Variants in SLAIN2 observed in about 807,000 individuals in gnomAD.
SLAIN2 encodes SLAIN motif-containing protein 2.
A neutral mutation model predicts 56.6 loss-of-function variants in SLAIN2; 31 were observed. The ratio of observed to expected loss-of-function variants is 0.55; its 90% CI spans 0.41 to 0.74. SLAIN2 has a LOEUF of 0.74. SLAIN2 is among the 30% of genes least tolerant of loss of function. The probability of loss-of-function intolerance (pLI) is 0.00; values close to 1 mark genes in which losing one functional copy is unlikely to be tolerated. For synonymous variants in SLAIN2, 317 were observed against 284.9 expected (o/e 1.11, Z -1.13); for missense variants, 777 against 754.2 (o/e 1.03, Z -0.35).
chr4:48,404,846 C>T (rs1178385530), intron 6 of SLAIN2, among the ~76,000 whole-genome samples: 1 of 152,082 alleles, frequency 6.6e-6, no homozygotes, highest in African/African-American at 2.4e-5. Context: ...TTTATTGTTC[C>T]CTGGCCCACA....
chr4:48,342,144 C>A lies in SLAIN2; in HGVS notation c.389+16C>A. On this transcript the variant is annotated intron_variant, in intron 1 of 7. Coordinates refer to ENST00000264313, the MANE Select transcript of SLAIN2 (RefSeq NM_020846.2). ...AGGAGAGCTGGTGAGCGCGAGGCGC[C>A]GGGCAGGAGCTGGGCGGGGACGGGC... 7.5e-7 allele frequency: 1 copy of A among 1,335,476 alleles called. No individual in the cohort carries two copies. The highest frequency in any genetic ancestry group is 1.5e-5 in the African/African-American group (1 of 65,028). The allele number at this position is 1,335,476 out of a possible 1,614,324, so 82.7% of individuals were successfully genotyped here. A position where few individuals can be genotyped will look rare whatever the true frequency, so the allele number is the denominator to read the frequency against.
At chr4:48,390,649 C>T (rs1211780996) in intron 6 of SLAIN2, among the ~76,000 whole-genome samples, 1 of 151,878 alleles carries the variant, frequency 6.6e-6, no homozygotes, top group Non-Finnish European at 1.5e-5. Context: ...CATTATAATA[C>T]AAAAATAGAC....
chr4:48,385,738 A>T (rs1467246349), intron 6 of SLAIN2, among the ~76,000 whole-genome samples: 1 of 150,506 alleles, frequency 6.6e-6, no homozygotes, highest in African/African-American at 2.5e-5. Context: ...GGCTCAAGTG[A>T]TCCTCCTGCG....
intron 2 of SLAIN2, among the ~76,000 whole-genome samples, chr4:48,373,920 C>T (rs111322132): frequency 0.014 from 2,087 of 152,164 alleles, 47 homozygotes; most frequent in African/African-American, 0.048. Flanking sequence ...TGCCTGTAAT[C>T]CCAGCTACTC....
intron 6 of SLAIN2, among the ~76,000 whole-genome samples, chr4:48,386,397 A>G (rs1483947227): frequency 6.6e-6 from 1 of 152,228 alleles, no homozygotes; most frequent in African/African-American, 2.4e-5. Flanking sequence ...CATCTTGAGC[A>G]CTGGATCTCA....
chr4:48,344,693 CT>C (rs895231523), intron 1 of SLAIN2, among the ~76,000 whole-genome samples: 97 of 145,556 alleles, frequency 6.7e-4, no homozygotes, highest in Admixed American at 6.2e-4. Flanking sequence ...TCATACTCTT[CT>C]TTTTTTTTTT....
chr4:48,373,405 C>T (rs900407773), intron 2 of SLAIN2, among the ~76,000 whole-genome samples: 1 of 152,134 alleles, frequency 6.6e-6, no homozygotes, highest in African/African-American at 2.4e-5. Context: ...CATGTCTCTC[C>T]CTGTTTTGGT....
chr4:48,354,894 C>G (rs1251474476), intron 1 of SLAIN2, among the ~76,000 whole-genome samples: 3 of 149,376 alleles, frequency 2.0e-5, no homozygotes, highest in Non-Finnish European at 4.5e-5. Flanking sequence ...ATTTTCTTTT[C>G]TTTTCTTTTT....
intron 1 of SLAIN2, among the ~76,000 whole-genome samples, chr4:48,355,950 G>A (rs1180643728): frequency 3.3e-5 from 5 of 152,000 alleles, no homozygotes; most frequent in Non-Finnish European, 7.4e-5. Flanking sequence ...TCTTTACTGT[G>A]TTAATAAACC....
At chr4:48,376,675 G>A (rs1476643045) in intron 2 of SLAIN2, among the ~76,000 whole-genome samples, 2 of 131,508 alleles carry the variant, frequency 1.5e-5, no homozygotes, top group Admixed American at 1.7e-4. Flanking sequence ...AGGCTGGAGT[G>A]CAGTGGCTCG....
chr4:48,410,248 T>C (rs1192259047), intron 6 of SLAIN2, among the ~76,000 whole-genome samples: 1 of 152,046 alleles, frequency 6.6e-6, no homozygotes, highest in African/African-American at 2.4e-5. Context: ...TGGAGAAATG[T>C]CTATTCAAAT....
At chr4:48,374,581 G>A (rs1465114172) in intron 2 of SLAIN2, among the ~76,000 whole-genome samples, 6 of 152,134 alleles carry the variant, frequency 3.9e-5, no homozygotes, top group Non-Finnish European at 8.8e-5. Flanking sequence ...GAAAAATATC[G>A]AAGGGTTTTC....
intron 6 of SLAIN2, among the ~76,000 whole-genome samples, chr4:48,403,443 G>T (rs1363889144): frequency 6.6e-6 from 1 of 152,044 alleles, no homozygotes; most frequent in African/African-American, 2.4e-5. Context: ...AGTGAGGAGG[G>T]ATGGATCAGG....
intron 1 of SLAIN2, among the ~76,000 whole-genome samples, chr4:48,363,888 T>C (rs1271569916): frequency 1.6e-5 from 2 of 122,248 alleles, no homozygotes; most frequent in African/African-American, 3.2e-5. Context: ...GAGGCGCCCC[T>C]CACCTCCCGG....
At chr4:48,346,297 T>G (rs1714862592) in intron 1 of SLAIN2, among the ~76,000 whole-genome samples, 1 of 152,208 alleles carries the variant, frequency 6.6e-6, no homozygotes, top group Non-Finnish European at 1.5e-5. Context: ...ATCCTGCCCG[T>G]GTTCACCATG....
chr4:48,341,880 C>T lies in SLAIN2; in HGVS notation c.141C>T (p.Gly47=). 1 of 1,516,130 alleles carries T rather than the reference C, an allele frequency of 6.6e-7. No individual in the cohort carries two copies. The highest frequency in any genetic ancestry group is 2.1e-5 in the Admixed American group (1 of 47,444). The allele number at this position is 1,516,130 out of a possible 1,614,324, so 93.9% of individuals were successfully genotyped here. ...AVQGAGSLGP[G]SPVRAGASIP... ...AGGGCGCCGGCTCCCTTGGGCCCGGCAGCCCGGTTCGGGCCGGCGCGTCCA... is the reference window on the plus strand; with the variant it reads ...AGGGCGCCGGCTCCCTTGGGCCCGGTAGCCCGGTTCGGGCCGGCGCGTCCA... Residue 47 remains glycine (G), a synonymous_variant, in exon 1 of 8, where the codon GGC becomes GGT. Coordinates refer to ENST00000264313, the MANE Select transcript of SLAIN2 (RefSeq NM_020846.2).
At chr4:48,388,288 A>G (rs536882275) in intron 6 of SLAIN2, among the ~76,000 whole-genome samples, 2 of 152,274 alleles carry the variant, frequency 1.3e-5, no homozygotes, top group Admixed American at 1.3e-4. Flanking sequence ...TCATGGATAC[A>G]TGTCAATTTC....
chr4:48,393,692 A>G (rs935142873), intron 6 of SLAIN2, among the ~76,000 whole-genome samples: 20 of 152,186 alleles, frequency 1.3e-4, no homozygotes, highest in Admixed American at 1.3e-3. Flanking sequence ...CTGACTTTCA[A>G]ATCAGCAGAG....
intron 6 of SLAIN2, among the ~76,000 whole-genome samples, chr4:48,398,154 G>C (rs569822997): frequency 2.6e-5 from 4 of 152,194 alleles, no homozygotes; most frequent in Admixed American, 2.6e-4. Flanking sequence ...TTTCTCCACA[G>C]CCTCGCCAGC....
Sources: gnomAD v4.1 joint callset for allele counts (sites outside exome capture counted in the v4.1 genomes callset) on GRCh38, gnomAD v4.1.1 for gene constraint, MANE v1.5 for transcripts, NCBI Gene and HGNC (gene_info 2026-07-23, HGNC 2026-07-21) for gene names.